DDX10: variants seen among roughly 807,000 people sequenced by gnomAD.
DDX10 encodes DEAD-box helicase 10.
DDX10 carries 74 observed loss-of-function variants against 104.3 expected under a neutral mutation model. The ratio of observed to expected loss-of-function variants is 0.71; its 90% CI spans 0.59 to 0.86. The LOEUF is 0.86. Ranked by LOEUF, DDX10 falls within the 40% of genes least tolerant of loss-of-function variation. The pLI, the probability that DDX10 is intolerant of heterozygous loss-of-function variation, is 0.00. For missense variants in DDX10, 952 were observed against 1,040.0 expected, an observed-to-expected ratio of 0.92 and a Z score of 1.16; for synonymous variants, 351 against 353.4, an observed-to-expected ratio of 0.99 and a Z score of 0.08.
chr11:108,679,304 T>C, intron 5 of DDX10, 67 bp from the exon 6 acceptor site: 1 of 1,296,220 alleles, frequency 7.7e-7, no homozygotes, highest in South Asian at 1.5e-5. Context: ...CAATCCAGGA[T>C]ACCCATTGCA....
chr11:108,765,623 G>T (rs1293994276), intron 13 of DDX10, among the ~76,000 whole-genome samples: 1 of 152,206 alleles, frequency 6.6e-6, no homozygotes, highest in East Asian at 1.9e-4. Context: ...TATTTAATAT[G>T]TGTCAGTTTA....
At chr11:108,787,890 A>G (rs1395741255) in intron 13 of DDX10, among the ~76,000 whole-genome samples, 1 of 152,162 alleles carries the variant, frequency 6.6e-6, no homozygotes, top group Non-Finnish European at 1.5e-5. Flanking sequence ...AGATCGTGCC[A>G]TTGCACTCCA....
intron 17 of DDX10, among the ~76,000 whole-genome samples, chr11:108,933,626 C>T (rs930101315): frequency 5.9e-5 from 9 of 152,244 alleles, no homozygotes; most frequent in Non-Finnish European, 1.3e-4. Flanking sequence ...TTCTTTTTTA[C>T]AATATAATTT....
At chr11:108,815,485 G>A (rs916158044) in intron 13 of DDX10, among the ~76,000 whole-genome samples, 1 of 152,108 alleles carries the variant, frequency 6.6e-6, no homozygotes, top group African/African-American at 2.4e-5. Context: ...TGCAGATTCC[G>A]TATGATTTGG....
At chr11:108,914,285 A>T (rs919526721) in intron 16 of DDX10, among the ~76,000 whole-genome samples, 11 of 152,244 alleles carry the variant, frequency 7.2e-5, no homozygotes, top group African/African-American at 2.7e-4. Flanking sequence ...GTGGCATTAT[A>T]TATTAATACA....
chr11:108,900,027 C>T (rs368333882), intron 16 of DDX10, among the ~76,000 whole-genome samples: 4 of 152,004 alleles, frequency 2.6e-5, no homozygotes, highest in East Asian at 1.9e-4. Flanking sequence ...GCAAGAGAAT[C>T]GCTTGACCCA....
intron 16 of DDX10, among the ~76,000 whole-genome samples, chr11:108,855,434 CT>C (rs1205757604): frequency 6.6e-6 from 1 of 152,008 alleles, no homozygotes; most frequent in African/African-American, 2.4e-5. Flanking sequence ...TACTGTGCTG[CT>C]TTTGAAAAGA....
At chr11:108,677,565 T>C (rs1283717404) in intron 4 of DDX10, among the ~76,000 whole-genome samples, 1 of 151,716 alleles carries the variant, frequency 6.6e-6, no homozygotes, top group Non-Finnish European at 1.5e-5. Context: ...TTTAATAAGG[T>C]ATCTATCTAA....
At chr11:108,762,915 T>G (rs2094352358) in intron 13 of DDX10, among the ~76,000 whole-genome samples, 1 of 152,232 alleles carries the variant, frequency 6.6e-6, no homozygotes, top group Non-Finnish European at 1.5e-5. Flanking sequence ...TGTGCTGGCT[T>G]TCCTTCGCTG....
chr11:108,822,480 G>T, intron 13 of DDX10: 1 of 301,272 alleles, frequency 3.3e-6, no homozygotes. Context: ...CCCAGGTGAT[G>T]CCTTTGTTCT....
At chr11:108,679,329 T>G in intron 5 of DDX10, 42 bp from the exon 6 acceptor site, 1 of 1,502,508 alleles carries the variant, frequency 6.7e-7, no homozygotes, top group African/African-American at 1.4e-5. Context: ...GCCTAATGTA[T>G]ATTTTACATA....
intron 13 of DDX10, among the ~76,000 whole-genome samples, chr11:108,741,639 A>G (rs2094325341): frequency 1.3e-5 from 2 of 152,060 alleles, no homozygotes; most frequent in African/African-American, 4.8e-5. Flanking sequence ...GCTAGTTTTT[A>G]TAGATTGATT....
intron 10 of DDX10, among the ~76,000 whole-genome samples, chr11:108,708,899 T>G (rs1486611434): frequency 6.6e-6 from 1 of 152,208 alleles, no homozygotes; most frequent in African/African-American, 2.4e-5. Flanking sequence ...CTTTTTCATT[T>G]GTGATAAAAA....
chr11:108,821,276 T>C (rs1862322247), intron 13 of DDX10, among the ~76,000 whole-genome samples: 1 of 152,210 alleles, frequency 6.6e-6, no homozygotes, highest in East Asian at 1.9e-4. Flanking sequence ...ATTTCAAGCA[T>C]ATTGATAGGT....
At chr11:108,810,972 A>G (rs1862171770) in intron 13 of DDX10, among the ~76,000 whole-genome samples, 2 of 152,136 alleles carry the variant, frequency 1.3e-5, no homozygotes, top group Non-Finnish European at 1.5e-5. Context: ...GTACTTAAAC[A>G]TTCTTATCAT....
In DDX10 at chr11:108,723,020, C is replaced by T; in HGVS notation, c.1523C>T (p.Pro508Leu). 6.2e-7 allele frequency: 1 copy of T among 1,609,312 alleles called. No individual in the cohort carries two copies. ...YALSLGLAVA[P>L]RVRFLQKMQK... ...AGGTCTCTTGGTCTTGCTGTGGCAC[C>T]ACGCGTAAGATTTCTTCAGAAAATG... The change falls in exon 13 of 18, where the codon CCA (proline) becomes CTA (leucine). Residue 508 changes from proline (P) to leucine (L), a missense_variant. Pro to Leu is a moderately conservative substitution (Grantham distance 98). Transcript: ENST00000322536.
At chr11:108,810,573 C>T (rs1030574015) in intron 13 of DDX10, among the ~76,000 whole-genome samples, 3 of 152,092 alleles carry the variant, frequency 2.0e-5, no homozygotes, top group African/African-American at 7.2e-5. Context: ...TTACAACCTA[C>T]TGATTGGGTT....
At chr11:108,829,722 A>G (rs775802596) in intron 13 of DDX10, among the ~76,000 whole-genome samples, 1 of 152,198 alleles carries the variant, frequency 6.6e-6, no homozygotes, top group Non-Finnish European at 1.5e-5. Flanking sequence ...TTCAGATCGT[A>G]TTTAAGTCTT....
chr11:108,869,852 A>T (rs894043395), intron 16 of DDX10, among the ~76,000 whole-genome samples: 1 of 152,142 alleles, frequency 6.6e-6, no homozygotes, highest in Non-Finnish European at 1.5e-5. Context: ...GAAGAACTTC[A>T]TTCTTTCACT....
Sources: allele counts gnomAD v4.1 joint callset (sites outside exome capture counted in the v4.1 genomes callset), GRCh38; gene constraint gnomAD v4.1.1; transcripts MANE v1.5; gene names NCBI Gene and HGNC (gene_info 2026-07-23, HGNC 2026-07-21).